COL4A1: variants seen among roughly 807,000 people sequenced by gnomAD.
The protein encoded by COL4A1 is collagen alpha-1(IV) chain.
In COL4A1, 40 loss-of-function variants were observed where a neutral mutation model predicts 216.6. The observed-to-expected ratio is 0.18, with a 90% CI of 0.14 to 0.24. The LOEUF is 0.24. Ranked by LOEUF, COL4A1 falls within the 10% of genes least tolerant of loss-of-function variation. The pLI, the probability that COL4A1 is intolerant of heterozygous loss-of-function variation, is 1.00. For synonymous variants in COL4A1, 839 were observed against 810.7 expected, an observed-to-expected ratio of 1.03 and a Z score of -0.59; for missense variants, 1,628 against 2,196.8, an observed-to-expected ratio of 0.74 and a Z score of 5.18.
At chr13:110,225,904 G>T (rs1880718191) in intron 2 of COL4A1, among the ~76,000 whole-genome samples, 1 of 152,220 alleles carries the variant, frequency 6.6e-6, no homozygotes, top group Non-Finnish European at 1.5e-5. Flanking sequence ...CCACCTGCCT[G>T]TTTTACCTGG....
rs1472472678 is a variant in COL4A1, at chr13:110,171,077, T to A, written c.3557-345A>T. Among the ~76,000 whole-genome samples, 5 of 152,202 alleles carry A rather than the reference T, an allele frequency of 3.3e-5. No individual in the cohort carries two copies. The South Asian group carries it at 1.0e-3, about 31-fold the overall frequency. On this transcript the variant is annotated intron_variant, in intron 41 of 51. Transcript: ENST00000375820. The stretch of plus-strand genomic sequence containing the variant: ...ACTGCTAAACGAAAGCCTCACTCCA[T>A]CAGCACATGAATGGGCTGGACAAGC...
chr13:110,173,784 A>G, intron 40 of COL4A1, 116 bp downstream of exon 40: 1 of 1,146,456 alleles, frequency 8.7e-7, no homozygotes, highest in Non-Finnish European at 1.3e-6. Context: ...AGTTGCAGGG[A>G]TGTGCAGTCT....
intron 1 of COL4A1, among the ~76,000 whole-genome samples, chr13:110,302,326 A>G (rs1031213198): frequency 1.3e-5 from 2 of 152,082 alleles, no homozygotes; most frequent in African/African-American, 4.8e-5. Flanking sequence ...TTTGAGATCA[A>G]AGCAAGACAG....
intron 2 of COL4A1, among the ~76,000 whole-genome samples, chr13:110,242,024 C>A (rs1192832652): frequency 1.3e-5 from 2 of 152,128 alleles, no homozygotes; most frequent in Admixed American, 6.5e-5. Context: ...ACAGACAGTA[C>A]CAGGATGCTG....
chr13:110,152,606 A>G (rs1422384336), intron 50 of COL4A1, 100 bp from the exon 51 acceptor site: 2 of 1,351,060 alleles, frequency 1.5e-6, no homozygotes. Context: ...TCCCTCTGGA[A>G]AGCCACACAC....
chr13:110,238,736 C>T (rs1174269922), intron 2 of COL4A1, among the ~76,000 whole-genome samples: 5 of 152,118 alleles, frequency 3.3e-5, no homozygotes, highest in African/African-American at 9.7e-5. Flanking sequence ...GTTATGGAAA[C>T]GTGGGCTCCC....
chr13:110,265,692 G>A (rs552260), intron 1 of COL4A1: 152,238 of 152,384 alleles, frequency 1, 76,046 homozygotes, highest in Non-Finnish European at 1. Flanking sequence ...AATGTGGCAC[G>A]TAAAACGGAT....
In COL4A1 at chr13:110,176,710, T is replaced by C. The variant is rs139635854; in HGVS notation, c.2884A>G (p.Ile962Val). 8 of 1,614,004 alleles carry C rather than the reference T, an allele frequency of 5.0e-6. No individual in the cohort carries two copies. The highest frequency in any genetic ancestry group is 4.0e-5 in the African/African-American group (3 of 74,916). The change falls in exon 35 of 52, where the codon ATT (isoleucine) becomes GTT (valine). Residue 962 changes from isoleucine to valine, a missense_variant. By Grantham distance (29) the Ile-to-Val change is conservative (BLOSUM62 3). Coordinates refer to ENST00000375820, the MANE Select transcript of COL4A1 (RefSeq NM_001845.6). ...TCTCCTCGGGATCCCTTCTCACCAA[T>C]TGGTCCAATTTGTCCTACACATCAG... Reference protein sequence around the residue: ...DQGEKGQIGPIGEKGSRGDPG... With the variant: ...DQGEKGQIGPVGEKGSRGDPG...
chr13:110,169,569 G>A lies in COL4A1; in HGVS notation c.3876+60C>T, dbSNP rs543028123. On this transcript the variant is annotated intron_variant, in intron 43 of 51. Transcript: ENST00000375820. ...AATACATACACACATAGACACATAT[G>A]AATACTTCTGGCCAGAAAAGACTCC... 2.2e-5 allele frequency: 36 copies of A among 1,605,694 alleles called. 1 individual carries two copies. In the South Asian group the frequency reaches 3.9e-4, roughly 17 times the overall value.
intron 44 of COL4A1, among the ~76,000 whole-genome samples, chr13:110,166,772 T>C (rs140129322): frequency 1.3e-5 from 2 of 152,334 alleles, no homozygotes; most frequent in East Asian, 1.9e-4. Context: ...ACAAGACACC[T>C]TGAGGCTGCG....
At chr13:110,301,891 C>G (rs924372760) in intron 1 of COL4A1, among the ~76,000 whole-genome samples, 11 of 152,114 alleles carry the variant, frequency 7.2e-5, no homozygotes, top group Admixed American at 7.2e-4. Flanking sequence ...AGAGGGGGAA[C>G]CCCAGTGAGA....
At chr13:110,194,916 C>G (rs113894915) in intron 22 of COL4A1, 107 bp downstream of exon 22, 2 of 831,352 alleles carry the variant, frequency 2.4e-6, no homozygotes, top group Admixed American at 4.0e-5. Flanking sequence ...AAGGAACCTA[C>G]GCCCTAACTC....
At chr13:110,284,732 T>C (rs1215439478) in intron 1 of COL4A1, among the ~76,000 whole-genome samples, 1 of 152,198 alleles carries the variant, frequency 6.6e-6, no homozygotes, top group African/African-American at 2.4e-5. Context: ...GAGGCTCGAA[T>C]GGGCTTAGTA....
chr13:110,169,898 G>T, intron 42 of COL4A1, 136 bp from the exon 43 acceptor site: 1 of 881,682 alleles, frequency 1.1e-6, no homozygotes, highest in Non-Finnish European at 1.6e-6. Context: ...CCTTGAGACA[G>T]AAATCGAGGC....
chr13:110,174,663 G>A lies in COL4A1; in HGVS notation c.3285C>T (p.Ser1095=), dbSNP rs267603751. 2.5e-5 allele frequency: 41 copies of A among 1,613,968 alleles called. No individual in the cohort carries two copies. Among genetic ancestry groups the A allele is most frequent in the Admixed American group, 1.0e-4 (6 of 60,000 alleles). Residue 1095 remains serine (S), a synonymous_variant, in exon 38 of 52, where the codon TCC becomes TCT. Coordinates refer to ENST00000375820, the MANE Select transcript of COL4A1 (RefSeq NM_001845.6). The part of the protein sequence containing the change: ...GSIGIPGMPG[S]PGLKGSPGSV... ...TCCCGGGAGACCCTTTAAGGCCTGG[G>A]GACCCTGGCATTCCTGGGATCCCAA...
At chr13:110,229,711 C>T (rs1334303061) in intron 2 of COL4A1, among the ~76,000 whole-genome samples, 1 of 152,210 alleles carries the variant, frequency 6.6e-6, no homozygotes, top group Non-Finnish European at 1.5e-5. Flanking sequence ...GGGTCCACAG[C>T]CGACCTCGAA....
At chr13:110,183,565 A>T (rs2139170213) in intron 26 of COL4A1, among the ~76,000 whole-genome samples, 1 of 152,332 alleles carries the variant, frequency 6.6e-6, no homozygotes, top group African/African-American at 2.4e-5. Context: ...AAGCTGAAAA[A>T]TCTACAACAA....
At chr13:110,163,054 G>C (rs113755174) in intron 47 of COL4A1, among the ~76,000 whole-genome samples, 4 of 152,162 alleles carry the variant, frequency 2.6e-5, no homozygotes, top group Admixed American at 6.5e-5. Context: ...AGCCTTCACC[G>C]GACACTCGAG....
intron 49 of COL4A1, among the ~76,000 whole-genome samples, chr13:110,159,304 T>C (rs550413981): frequency 6.6e-6 from 1 of 152,314 alleles, no homozygotes; most frequent in Non-Finnish European, 1.5e-5. Context: ...TAACTTTTTA[T>C]GTATAAATCT....
Sources: gnomAD v4.1 joint callset for allele counts (sites outside exome capture counted in the v4.1 genomes callset) on GRCh38, gnomAD v4.1.1 for gene constraint, MANE v1.5 for transcripts, NCBI Gene and HGNC (gene_info 2026-07-23, HGNC 2026-07-21) for gene names.